Variants in ZNF148 observed in about 807,000 individuals in gnomAD.
ZNF148 encodes the protein zinc finger protein 148.
In ZNF148, 7 loss-of-function variants were observed where a neutral mutation model predicts 67.7. That is an observed-to-expected ratio of 0.10 (90% CI 0.06 to 0.19). ZNF148 has a LOEUF of 0.19. ZNF148 is among the 10% of genes least tolerant of loss of function. The probability of loss-of-function intolerance (pLI) is 1.00; values close to 1 mark genes in which losing one functional copy is unlikely to be tolerated. For synonymous variants in ZNF148, 333 were observed against 330.7 expected, an observed-to-expected ratio of 1.01 and a Z score of -0.08; for missense variants, 583 against 947.1, an observed-to-expected ratio of 0.62 and a Z score of 5.05.
At chr3:125,348,632 T>C (rs1281846095) in intron 1 of ZNF148, among the ~76,000 whole-genome samples, 3 of 152,150 alleles carry the variant, frequency 2.0e-5, no homozygotes, top group South Asian at 2.1e-4. Flanking sequence ...ACACATCCCA[T>C]GTTCATGGAT....
intron 1 of ZNF148, among the ~76,000 whole-genome samples, chr3:125,364,772 T>C (rs1271697819): frequency 6.6e-6 from 1 of 152,210 alleles, no homozygotes; most frequent in East Asian, 1.9e-4. Context: ...CTAAGTGCCC[T>C]TAAGATTGGA....
At chr3:125,298,520 C>T (rs750747753) in intron 4 of ZNF148, among the ~76,000 whole-genome samples, 6 of 151,230 alleles carry the variant, frequency 4.0e-5, no homozygotes, top group Admixed American at 1.3e-4. Context: ...GAAATCTCCA[C>T]AAGATGCGTC....
intron 7 of ZNF148, among the ~76,000 whole-genome samples, chr3:125,256,077 T>C (rs1055695657): frequency 8.6e-5 from 13 of 151,822 alleles, no homozygotes; most frequent in African/African-American, 2.9e-4. Context: ...TAGAATTCCA[T>C]TTAAAAAAAA....
intron 7 of ZNF148, among the ~76,000 whole-genome samples, chr3:125,245,776 A>G (rs914637448): frequency 3.9e-5 from 6 of 152,150 alleles, no homozygotes; most frequent in Admixed American, 2.6e-4. Flanking sequence ...ATATCCTCCT[A>G]AGGAGTAGTT....
At chr3:125,343,641 G>C (rs530692019) in intron 1 of ZNF148, among the ~76,000 whole-genome samples, 1 of 152,284 alleles carries the variant, frequency 6.6e-6, no homozygotes, top group African/African-American at 2.4e-5. Flanking sequence ...TGATAGCACA[G>C]AAACAGAACA....
intron 4 of ZNF148, among the ~76,000 whole-genome samples, chr3:125,308,021 T>C (rs1560158780): frequency 6.6e-6 from 1 of 152,110 alleles, no homozygotes; most frequent in Non-Finnish European, 1.5e-5. Flanking sequence ...AAAGCAAACA[T>C]GTCTACTTGC....
chr3:125,348,146 C>T (rs1942013552), intron 1 of ZNF148, among the ~76,000 whole-genome samples: 1 of 151,876 alleles, frequency 6.6e-6, no homozygotes, highest in African/African-American at 2.4e-5. Context: ...ATAGTCCCAG[C>T]TACTCGGGAG....
intron 7 of ZNF148, among the ~76,000 whole-genome samples, chr3:125,237,558 G>T (rs1936148573): frequency 6.6e-6 from 1 of 151,960 alleles, no homozygotes; most frequent in Admixed American, 6.6e-5. Flanking sequence ...CTCCAACCTG[G>T]GTGACAGAGT....
chr3:125,289,648 T>C (rs970586534), intron 4 of ZNF148, among the ~76,000 whole-genome samples: 2 of 152,152 alleles, frequency 1.3e-5, no homozygotes, highest in African/African-American at 4.8e-5. Flanking sequence ...ACAGACTATG[T>C]AAGCAGCTGT....
At chr3:125,342,258 G>C (rs1176331008) in intron 1 of ZNF148, among the ~76,000 whole-genome samples, 1 of 151,730 alleles carries the variant, frequency 6.6e-6, no homozygotes, top group African/African-American at 2.4e-5. Context: ...CTAACTTGCA[G>C]ATCCAAATAG....
chr3:125,255,718 A>G (rs1937044507), intron 7 of ZNF148, among the ~76,000 whole-genome samples: 1 of 152,160 alleles, frequency 6.6e-6, no homozygotes, highest in Admixed American at 6.5e-5. Context: ...AACTAGTCAT[A>G]AAGGGACAGA....
At position 125,323,332 on chromosome 3, in the gene ZNF148, A is replaced by C; in HGVS notation, c.-40T>G. On this transcript the variant is annotated 5_prime_UTR_variant, in exon 3 of 9. Coordinates refer to ENST00000360647, the MANE Select transcript of ZNF148 (RefSeq NM_021964.3). The stretch of plus-strand genomic sequence containing the variant: ...ACCCGAGACTAAGGTAAAAACGAAG[A>C]CTTCAAGGAAAGGAATGCTGTAGAG... The C allele has an allele frequency of 1.5e-6, 1 of 657,576 alleles. No individual in the cohort carries two copies. The highest frequency in any genetic ancestry group is 2.7e-6 in the Non-Finnish European group (1 of 370,260). 40.7% of individuals were successfully genotyped at this position (657,576 alleles called of 1,614,324 possible). A position where few individuals can be genotyped will look rare whatever the true frequency, so the allele number is the denominator to read the frequency against.
chr3:125,329,634 A>C (rs1941195162), intron 2 of ZNF148, among the ~76,000 whole-genome samples: 1 of 151,952 alleles, frequency 6.6e-6, no homozygotes, highest in Non-Finnish European at 1.5e-5. Context: ...CTGGGATTAC[A>C]GGCATGAGCG....
intron 7 of ZNF148, among the ~76,000 whole-genome samples, chr3:125,264,746 C>T (rs1937493109): frequency 6.6e-6 from 1 of 152,168 alleles, no homozygotes; most frequent in African/African-American, 2.4e-5. Context: ...AATTTTCAGT[C>T]TTCAGGTCTT....
In ZNF148 at chr3:125,232,716, A is replaced by C. The variant is rs1452355207; in HGVS notation, c.2010T>G (p.Thr670=). The C allele has an allele frequency of 1.2e-6, 2 of 1,613,788 alleles. No homozygotes were observed. Among genetic ancestry groups the C allele is most frequent in the South Asian group, 2.2e-5 (2 of 91,074 alleles). The change falls in exon 9 of 9, where the codon ACT becomes ACG. Residue 670 remains threonine, a synonymous_variant. Transcript: ENST00000360647. The surrounding 1 kb of genome is among the most constrained non-coding windows in gnomAD (Gnocchi z 4.2). The part of the protein sequence containing the change: ...RSGMNSPLRT[T]PDKSHFGLIV... Reference sequence around the variant, plus strand: ...TTAGTCCAAAGTGGGACTTATCTGGAGTTGTTCTTAGTGGAGAATTCATTC... The same window carrying C: ...TTAGTCCAAAGTGGGACTTATCTGGCGTTGTTCTTAGTGGAGAATTCATTC...
intron 1 of ZNF148, among the ~76,000 whole-genome samples, chr3:125,362,385 T>G: frequency 6.6e-6 from 1 of 152,128 alleles, no homozygotes; most frequent in African/African-American, 2.4e-5. Flanking sequence ...ACTTCTTTAA[T>G]CAATTCCTGT....
chr3:125,365,472 CA>C (rs1942673858), intron 1 of ZNF148, among the ~76,000 whole-genome samples: 1 of 152,128 alleles, frequency 6.6e-6, no homozygotes, highest in Non-Finnish European at 1.5e-5. Flanking sequence ...CTAAACTACC[CA>C]AAAATATAAT....
chr3:125,235,014 C>G (rs1478044010), intron 7 of ZNF148, among the ~76,000 whole-genome samples: 1 of 152,016 alleles, frequency 6.6e-6, no homozygotes, highest in East Asian at 1.9e-4. Context: ...TGCCACTGGC[C>G]CCCGCAATGA....
In ZNF148 at chr3:125,233,001, A is replaced by G; in HGVS notation, c.1725T>C (p.Ser575=). 1 of 1,613,786 alleles carries G rather than the reference A, an allele frequency of 6.2e-7. No individual in the cohort carries two copies. The highest frequency in any genetic ancestry group is 1.1e-5 in the South Asian group (1 of 91,078). The change falls in exon 9 of 9, where the codon TCT becomes TCC. Residue 575 remains serine (S), a synonymous_variant. Coordinates refer to ENST00000360647, the MANE Select transcript of ZNF148 (RefSeq NM_021964.3). The surrounding 1 kb of genome is among the most constrained non-coding windows in gnomAD (Gnocchi z 5.1). The stretch of plus-strand genomic sequence containing the variant: ...ACGGGGTGACCTCTGGTACTTCTGA[A>G]GAATTTATTGATATGCTAGAAGTCA... ...TEVTSSISIN[S]SEVPEVTPSE... is the part of the protein sequence containing the mutation.
Sources: gnomAD v4.1 joint callset for allele counts (sites outside exome capture counted in the v4.1 genomes callset) on GRCh38, gnomAD v4.1.1 for gene constraint, Gnocchi (gnomAD v3.1) non-coding constraint, MANE v1.5 for transcripts, NCBI Gene and HGNC (gene_info 2026-07-23, HGNC 2026-07-21) for gene names.